The following ZNF112 variants were observed in gnomAD, a reference collection of about 807,000 sequenced individuals.
ZNF112 encodes the protein zinc finger protein 112 (Y14).
A neutral mutation model predicts 77.7 loss-of-function variants in ZNF112; 37 were observed. That is an observed-to-expected ratio of 0.48 (90% CI 0.37 to 0.63). The LOEUF (loss-of-function observed/expected upper bound fraction) is 0.63, where lower values mean the gene tolerates loss of function less well. ZNF112 is among the 20% of genes least tolerant of loss of function. The pLI, the probability that ZNF112 is intolerant of heterozygous loss-of-function variation, is 0.00. For missense variants in ZNF112, 950 were observed against 1,077.4 expected (o/e 0.88, Z 1.66); for synonymous variants, 333 against 363.6 (o/e 0.92, Z 0.96).
rs374806603 is a variant in ZNF112 at position 44,363,434 on chromosome 19, A to G, written c.17+3647T>C. Among the ~76,000 whole-genome samples the G allele has an allele frequency of 2.6e-5, 4 of 152,256 alleles. No homozygotes were observed. In the East Asian group the frequency reaches 7.7e-4, roughly 29 times the overall value. On this transcript the variant is annotated intron_variant, in intron 1 of 4. Transcript: ENST00000588057. ...TTAACATTACCCCACAAATTCCCTC[A>G]TGACACTTTCCAGTCAGTCTCTAAC... is the stretch of plus-strand genomic sequence containing the variant.
intron 3 of ZNF112, among the ~76,000 whole-genome samples, chr19:44,333,948 A>G (rs1970317617): frequency 6.6e-6 from 1 of 152,214 alleles, no homozygotes; most frequent in Non-Finnish European, 1.5e-5. Context: ...AGGGTTCAGA[A>G]GAAGACAGGA....
In ZNF112 at chr19:44,345,833, C is replaced by T. The variant is rs564861926; in HGVS notation, c.-3-5291G>A. 1.2e-3 allele frequency among the ~76,000 whole-genome samples: 189 copies of T among 152,276 alleles called. 1 individual carries two copies. In the Middle Eastern group the frequency reaches 0.014, roughly 11 times the overall value. On this transcript the variant is annotated intron_variant, in intron 1 of 3. Transcript: ENST00000354340. ...TCTCCAGGCCCTTGCATGTGCCACC[C>T]CTCCTGCACTCCTTTCTCTTTTCAC...
In ZNF112 at chr19:44,342,742, G is replaced by A. The variant is rs540238707; in HGVS notation, c.-3-2200C>T. ...GAGGCAGAGAATTGCTGGAATCCAGGAGGTGGAGGGTGCAGTGAGCCGAGA... is the reference window on the plus strand; with the variant it reads ...GAGGCAGAGAATTGCTGGAATCCAGAAGGTGGAGGGTGCAGTGAGCCGAGA... On this transcript the variant is annotated intron_variant, in intron 1 of 3. Transcript: ENST00000354340. Among the ~76,000 whole-genome samples the A allele has an allele frequency of 2.8e-3, 418 of 151,858 alleles. 3 individuals are homozygous for A. The highest frequency in any genetic ancestry group is 4.7e-3 in the Admixed American group (71 of 15,264).
At chr19:44,364,188 G>A (rs1475293188) in intron 1 of ZNF112, among the ~76,000 whole-genome samples, 1 of 152,178 alleles carries the variant, frequency 6.6e-6, no homozygotes, top group Non-Finnish European at 1.5e-5. Flanking sequence ...GGAATTACAG[G>A]TGTGAGCCAC....
At chr19:44,347,143 G>A (rs1279082690) in intron 1 of ZNF112, among the ~76,000 whole-genome samples, 1 of 152,036 alleles carries the variant, frequency 6.6e-6, no homozygotes, top group Non-Finnish European at 1.5e-5. Context: ...TCTACTCGGG[G>A]AACTGACCCT....
intron 1 of ZNF112, among the ~76,000 whole-genome samples, chr19:44,361,981 T>C (rs1198909602): frequency 6.6e-6 from 1 of 152,132 alleles, no homozygotes; most frequent in Non-Finnish European, 1.5e-5. Flanking sequence ...AAATCAATGA[T>C]ATGTTTCAAA....
chr19:44,349,531 G>A (rs558346124), intron 1 of ZNF112, among the ~76,000 whole-genome samples: 25 of 151,988 alleles, frequency 1.6e-4, no homozygotes, highest in Admixed American at 8.5e-4. Flanking sequence ...ACACTGTCAC[G>A]CTAAGCACTC....
upstream of ZNF112, among the ~76,000 whole-genome samples, chr19:44,361,388 G>T (rs115041743): frequency 2.9e-3 from 435 of 152,186 alleles, no homozygotes; most frequent in African/African-American, 0.01. Flanking sequence ...GAATGTGAGT[G>T]ATATTTCAAT....
At chr19:44,331,824 T>G (rs1970275654) in intron 3 of ZNF112, among the ~76,000 whole-genome samples, 1 of 152,132 alleles carries the variant, frequency 6.6e-6, no homozygotes, top group South Asian at 2.1e-4. Flanking sequence ...AAGGAACTGG[T>G]GATGGTGGCA....
intron 2 of ZNF112, among the ~76,000 whole-genome samples, chr19:44,337,744 T>C (rs1333912608): frequency 1.3e-5 from 2 of 151,456 alleles, no homozygotes; most frequent in Non-Finnish European, 2.9e-5. Flanking sequence ...CATTTCAGTA[T>C]AATTGTAATG....
intron 1 of ZNF112, among the ~76,000 whole-genome samples, chr19:44,342,209 AG>A (rs1970502708): frequency 6.6e-6 from 1 of 152,244 alleles, no homozygotes; most frequent in East Asian, 1.9e-4. Flanking sequence ...ATAAACACAT[AG>A]CTATAGGTAC....
upstream of ZNF112, among the ~76,000 whole-genome samples, chr19:44,356,855 GC>G (rs1970796394): frequency 6.6e-6 from 1 of 152,206 alleles, no homozygotes; most frequent in South Asian, 2.1e-4. Context: ...AGTACCGGGT[GC>G]CAAGCTGAGA....
At chr19:44,363,018 A>G (rs1970868861) in intron 1 of ZNF112, among the ~76,000 whole-genome samples, 1 of 152,202 alleles carries the variant, frequency 6.6e-6, no homozygotes, top group Non-Finnish European at 1.5e-5. Context: ...CACCTAGGCT[A>G]GAGTGCAGTG....
intron 1 of ZNF112, among the ~76,000 whole-genome samples, chr19:44,356,033 C>A (rs528309523): frequency 1.3e-5 from 2 of 152,210 alleles, no homozygotes; most frequent in East Asian, 3.9e-4. Flanking sequence ...AATGGACTAC[C>A]CAGACAGCCA....
At position 44,328,147 on chromosome 19, in the gene ZNF112, C is replaced by T. The variant is rs773375642; in HGVS notation, c.2010G>A (p.Lys670=). The change falls in exon 4 of 4, where the codon AAG becomes AAA. Residue 670 remains lysine, a synonymous_variant. Transcript: ENST00000354340. ...KCEECGKGFS[K]ASTLLAHQRV... is the part of the protein sequence containing the mutation. ...TCTGATGGGCCAAAAGTGTTGAGGC[C>T]TTACTGAAGCCTTTACCACATTCTT... The T allele has an allele frequency of 2.6e-5, 42 of 1,614,046 alleles. 1 individual carries two copies. The South Asian group carries it at 4.1e-4, about 16-fold the overall frequency.
chr19:44,328,957 T>C lies in ZNF112; in HGVS notation c.1200A>G (p.Gln400=), dbSNP rs780211070. ...ATAGTTTCTCTTCAGTGTGGATTTT[T>C]TGATGGACTTGAAGACATGAACTCT... ...FNQSSCLQVH[Q]KIHTEEKLYT... Residue 400 remains glutamine (Q), a synonymous_variant, in exon 4 of 4, where the codon CAA becomes CAG. Transcript: ENST00000354340. The C allele has an allele frequency of 1.9e-6, 3 of 1,613,916 alleles. No homozygotes were observed. Among genetic ancestry groups the C allele is most frequent in the South Asian group, 2.2e-5 (2 of 91,088 alleles).
chr19:44,359,142 C>T (rs1970828319), upstream of ZNF112, among the ~76,000 whole-genome samples: 2 of 151,954 alleles, frequency 1.3e-5, no homozygotes, highest in Non-Finnish European at 1.5e-5. Context: ...CAGAACCAGC[C>T]CAACATTGAC....
intron 1 of ZNF112, among the ~76,000 whole-genome samples, chr19:44,347,477 T>C (rs1193668839): frequency 7.1e-6 from 1 of 139,894 alleles, no homozygotes; most frequent in Admixed American, 8.0e-5. Flanking sequence ...CTGCCTTCTT[T>C]TGGGTTGATT....
In ZNF112 at chr19:44,328,409, C is replaced by T; in HGVS notation, c.1748G>A (p.Gly583Glu). 1 of 1,614,066 alleles carries T rather than the reference C, an allele frequency of 6.2e-7. No homozygotes were observed. Among genetic ancestry groups the T allele is most frequent in the South Asian group, 1.1e-5 (1 of 91,080 alleles). The change falls in exon 4 of 4, where the codon GGG becomes GAG. Residue 583 changes from glycine to glutamate, a missense_variant. Gly to Glu is a moderately conservative substitution (Grantham distance 98). This residue lies in a region of ZNF112 where 373 missense variants were observed against 482.8 expected (regional missense o/e 0.77). Coordinates refer to ENST00000354340, the MANE Select transcript of ZNF112 (RefSeq NM_013380.4). ...TTGAAGGTATGAATTTCGACTGAACCCCTTCCCACATTCCTCACATTTATA... is the reference window on the plus strand; with the variant it reads ...TTGAAGGTATGAATTTCGACTGAACTCCTTCCCACATTCCTCACATTTATA... ...KPYKCEECGK[G>E]FSRNSYLQGH...
Sources: gnomAD v4.1 joint callset for allele counts (sites outside exome capture counted in the v4.1 genomes callset) on GRCh38, gnomAD v4.1.1 for gene constraint, gnomAD v4.1.1 regional missense constraint, MANE v1.5 for transcripts, NCBI Gene and HGNC (gene_info 2026-07-23, HGNC 2026-07-21) for gene names.